The following CDC27 variants were observed in gnomAD, a reference collection of about 807,000 sequenced individuals.
CDC27 encodes cell division cycle 27, also known as cell division cycle protein 27 homolog.
In CDC27, 27 loss-of-function variants were observed where a neutral mutation model predicts 109.7. The ratio of observed to expected loss-of-function variants is 0.25; its 90% confidence interval spans 0.18 to 0.34. CDC27 has a LOEUF of 0.34. Ranked by LOEUF, CDC27 falls within the 10% of genes least tolerant of loss-of-function variation. The probability of loss-of-function intolerance (pLI) is 1.00; values close to 1 mark genes in which losing one functional copy is unlikely to be tolerated. For missense variants in CDC27, 579 were observed against 960.2 expected (o/e 0.60, Z 5.25); for synonymous variants, 266 against 333.9 (o/e 0.80, Z 2.22).
At chr17:47,185,930 T>C (rs1191683642) in intron 1 of CDC27, among the ~76,000 whole-genome samples, 1 of 152,228 alleles carries the variant, frequency 6.6e-6, no homozygotes, top group Non-Finnish European at 1.5e-5. Flanking sequence ...GAGGGTATTT[T>C]TGGTTGTCAC....
chr17:47,142,362 T>C lies in CDC27; in HGVS notation c.1245A>G (p.Lys415=), dbSNP rs760087136. 5.3e-6 allele frequency: 8 copies of C among 1,509,462 alleles called. No individual in the cohort carries two copies. The highest frequency in any genetic ancestry group is 2.3e-5 in the South Asian group (2 of 85,548). The allele number at this position is 1,509,462 out of a possible 1,614,324, so 93.5% of individuals were successfully genotyped here. The change falls in exon 11 of 19, where the codon AAA becomes AAG. Residue 415 remains lysine (K), a synonymous_variant. Coordinates refer to ENST00000066544, the MANE Select transcript of CDC27 (RefSeq NM_001256.6). The part of the protein sequence containing the change: ...PNRKTKSKTN[K]GGITQPNIND... Reference sequence around the variant, plus strand: ...TTATGTTAGGTTGAGTTATTCCTCCTTTATTAGTTTTACTTTTTGTTTTTC... The same window carrying C: ...TTATGTTAGGTTGAGTTATTCCTCCCTTATTAGTTTTACTTTTTGTTTTTC...
At chr17:47,186,263 C>CA (rs1281237165) in intron 1 of CDC27, among the ~76,000 whole-genome samples, 9 of 152,130 alleles carry the variant, frequency 5.9e-5, no homozygotes, top group African/African-American at 2.2e-4. Context: ...ATTGAGTAGC[C>CA]AAAATATGTT....
rs34061862 is a variant in CDC27 at position 47,180,945 on chromosome 17, TAAAAAAAAAAA to T, written c.103+606_103+616del. Among the ~76,000 whole-genome samples the T allele has an allele frequency of 9.0e-5, 10 of 111,674 alleles. No homozygotes were observed. In the South Asian group the frequency reaches 1.8e-3, roughly 20 times the overall value. 73.3% of individuals were successfully genotyped at this position (111,674 alleles called of 152,430 possible). Reference sequence around the variant, plus strand: ...CACCATAGAATACAGACTCTTTTCTTAAAAAAAAAAAAAAAAAAAAAAAATACATGGCATGG... The same window carrying T: ...CACCATAGAATACAGACTCTTTTCTTAAAAAAAAAAAAATACATGGCATGG... On this transcript the variant is annotated intron_variant, in intron 2 of 18. Transcript: ENST00000066544.
At chr17:47,165,697 ACTGT>A (rs927154734) in intron 4 of CDC27, among the ~76,000 whole-genome samples, 3 of 152,100 alleles carry the variant, frequency 2.0e-5, no homozygotes, top group Non-Finnish European at 2.9e-5. Context: ...TATTTTATGT[ACTGT>A]CATTTGGGTG....
intron 14 of CDC27, among the ~76,000 whole-genome samples, chr17:47,132,774 A>ATTC (rs2062390090): frequency 7.8e-6 from 1 of 127,944 alleles, no homozygotes; most frequent in South Asian, 2.4e-4. Context: ...TATTATTATT[A>ATTC]TTATTATATT....
intron 2 of CDC27, among the ~76,000 whole-genome samples, chr17:47,174,738 C>CTGAGGTCAA (rs1441809481): frequency 6.6e-6 from 1 of 152,000 alleles, no homozygotes; most frequent in African/African-American, 2.4e-5. Flanking sequence ...GGTGGATCAC[C>CTGAGGTCAA]TGAGGTCAAG....
chr17:47,119,320 A>G lies in CDC27; in HGVS notation c.*1615T>C, dbSNP rs568935180. 6.6e-6 allele frequency: 1 copy of G among 152,280 alleles called. No individual in the cohort carries two copies. The highest frequency in any genetic ancestry group is 2.1e-4 in the South Asian group (1 of 4,830). 9.4% of individuals were successfully genotyped at this position (152,280 alleles called of 1,614,324 possible). The stretch of plus-strand genomic sequence containing the variant: ...CTGTTAAATATCTCTCTGGCACCTG[A>G]TACCTAAAGACCCTGACTTGAATTA... On this transcript the variant is annotated 3_prime_UTR_variant, in exon 19 of 19. Coordinates refer to ENST00000066544, the MANE Select transcript of CDC27 (RefSeq NM_001256.6).
chr17:47,168,746 T>C (rs1314538530), intron 4 of CDC27, among the ~76,000 whole-genome samples: 1 of 152,164 alleles, frequency 6.6e-6, no homozygotes, highest in Non-Finnish European at 1.5e-5. Flanking sequence ...ATACCACCGT[T>C]ACACCTGAAA....
At chr17:47,164,687 C>T (rs1043977743) in intron 4 of CDC27, among the ~76,000 whole-genome samples, 35 of 152,050 alleles carry the variant, frequency 2.3e-4, no homozygotes, top group Admixed American at 2.1e-3. Context: ...CATGGTGGCG[C>T]TCACATGTAA....
At chr17:47,144,200 G>A (rs755320944) in intron 9 of CDC27, among the ~76,000 whole-genome samples, 1 of 152,114 alleles carries the variant, frequency 6.6e-6, no homozygotes, top group Non-Finnish European at 1.5e-5. Context: ...CTTGCAGATG[G>A]CCTCTTGTGG....
intron 15 of CDC27, among the ~76,000 whole-genome samples, chr17:47,130,297 T>C (rs966888684): frequency 5.9e-5 from 9 of 151,704 alleles, no homozygotes; most frequent in Admixed American, 5.3e-4. Context: ...GAGGCAGAGG[T>C]TGCAGTGAGC....
intron 4 of CDC27, among the ~76,000 whole-genome samples, chr17:47,164,461 C>T (rs1395769834): frequency 6.6e-6 from 1 of 152,186 alleles, no homozygotes; most frequent in African/African-American, 2.4e-5. Flanking sequence ...CCAGCTTCCC[C>T]CAATAATATC....
chr17:47,187,204 T>C (rs1216834260), intron 1 of CDC27, among the ~76,000 whole-genome samples: 1 of 152,224 alleles, frequency 6.6e-6, no homozygotes, highest in Non-Finnish European at 1.5e-5. Flanking sequence ...TCAAAGTGTA[T>C]TACTGCTCAG....
At chr17:47,169,729 C>T in intron 4 of CDC27, 188 bp downstream of exon 4, 1 of 378,314 alleles carries the variant, frequency 2.6e-6, no homozygotes, top group Non-Finnish European at 4.7e-6. Context: ...TAGCTATTAT[C>T]AGTAAGGATA....
chr17:47,170,151 C>T (rs557070711), intron 3 of CDC27, 109 bp from the exon 4 acceptor site: 459 of 680,200 alleles, frequency 6.7e-4, no homozygotes, highest in Non-Finnish European at 8.9e-4. Context: ...CAAATTTTTT[C>T]TCTCTCTCTC....
At chr17:47,162,553 A>C (rs2063527860) in intron 4 of CDC27, among the ~76,000 whole-genome samples, 1 of 152,162 alleles carries the variant, frequency 6.6e-6, no homozygotes, top group Non-Finnish European at 1.5e-5. Context: ...TTTATTAATA[A>C]TTTTAAAAGT....
intron 4 of CDC27, chr17:47,159,401 G>A: frequency 1.0e-6 from 1 of 984,054 alleles, no homozygotes; most frequent in Non-Finnish European, 1.5e-6. Flanking sequence ...CCCTGGCTGA[G>A]GTGTAGCAGT....
Position 47,153,642 on chromosome 17 carries a change from TC to T in CDC27, c.957+1029del, listed in dbSNP as rs1427514330. Among the ~76,000 whole-genome samples, 5 of 152,342 alleles carry T rather than the reference TC, an allele frequency of 3.3e-5. No homozygotes were observed. The East Asian group carries it at 7.7e-4, about 23-fold the overall frequency. Reference sequence around the variant, plus strand: ...TAGTATGACTTGTTTAGCTTCCATTTCTTGAATATTTATGAAGCATGGCAAT... The same window carrying T: ...TAGTATGACTTGTTTAGCTTCCATTTTTGAATATTTATGAAGCATGGCAAT... On this transcript the variant is annotated intron_variant, in intron 8 of 18. Transcript: ENST00000066544.
chr17:47,133,437 T>G (rs2062457568), intron 14 of CDC27, among the ~76,000 whole-genome samples: 1 of 130,862 alleles, frequency 7.6e-6, no homozygotes. Context: ...GGTGCCAAGC[T>G]GTTTTTTTGT....
Sources: gnomAD v4.1 joint callset for allele counts (sites outside exome capture counted in the v4.1 genomes callset) on GRCh38, gnomAD v4.1.1 for gene constraint, MANE v1.5 for transcripts, NCBI Gene and HGNC (gene_info 2026-07-23, HGNC 2026-07-21) for gene names.